The following GFPT1 variants were observed in gnomAD, a reference collection of about 807,000 sequenced individuals.
The protein encoded by GFPT1 is glutamine--fructose-6-phosphate transaminase 1.
Under a neutral mutation model 92.0 loss-of-function variants are expected in GFPT1, and 40 were observed. The observed-to-expected ratio is 0.43, with a 90% CI of 0.34 to 0.57. GFPT1 has a LOEUF of 0.57. GFPT1 is among the 20% of genes least tolerant of loss of function. The probability of loss-of-function intolerance (pLI) is 0.02; values close to 1 mark genes in which losing one functional copy is unlikely to be tolerated. For synonymous variants in GFPT1, 269 were observed against 280.6 expected (o/e 0.96, Z 0.41); for missense variants, 448 against 869.1 (o/e 0.52, Z 6.09).
At position 69,326,073 on chromosome 2, in the gene GFPT1, T is replaced by G. The variant is rs1670522410; in HGVS notation, c.*116A>C. 1 of 675,346 alleles carries G rather than the reference T, an allele frequency of 1.5e-6. No individual in the cohort carries two copies. The highest frequency in any genetic ancestry group is 2.6e-6 in the Non-Finnish European group (1 of 381,594). The allele number at this position is 675,346 out of a possible 1,614,324, so 41.8% of individuals were successfully genotyped here. ...GGAATAATTATAACTGATATATAAA[T>G]AAGGATTTACTAAAAAAAGGCTTCA... is the stretch of plus-strand genomic sequence containing the variant. On this transcript the variant is annotated 3_prime_UTR_variant, in exon 20 of 20. Transcript: ENST00000357308.
intron 1 of GFPT1, among the ~76,000 whole-genome samples, chr2:69,380,349 T>C (rs929591959): frequency 6.6e-6 from 1 of 151,876 alleles, no homozygotes; most frequent in Non-Finnish European, 1.5e-5. Context: ...CTCAAAAAAA[T>C]AAAAAATGTA....
intron 2 of GFPT1, among the ~76,000 whole-genome samples, chr2:69,372,262 G>A (rs1269120296): frequency 6.8e-6 from 1 of 146,126 alleles, no homozygotes; most frequent in African/African-American, 2.5e-5. Flanking sequence ...CACCAAATAA[G>A]AGAAGTGGAT....
At chr2:69,354,675 C>T (rs778113663) in intron 7 of GFPT1, 107 bp from the exon 8 acceptor site, 4 of 747,136 alleles carry the variant, frequency 5.4e-6, no homozygotes, top group East Asian at 2.6e-5. Context: ...TCATCCTCCC[C>T]AAGCTCAACT....
At chr2:69,349,638 A>C (rs2104638238) in intron 10 of GFPT1, among the ~76,000 whole-genome samples, 1 of 152,318 alleles carries the variant, frequency 6.6e-6, no homozygotes, top group South Asian at 2.1e-4. Flanking sequence ...ATCCCTTTAT[A>C]AAAATGATTA....
At chr2:69,359,647 GT>G (rs368546499) in intron 4 of GFPT1, among the ~76,000 whole-genome samples, 32 of 152,270 alleles carry the variant, frequency 2.1e-4, no homozygotes, top group Non-Finnish European at 2.6e-4. Flanking sequence ...AAAGGAGCAA[GT>G]TTATTGGGTC....
chr2:69,326,106 A>G lies in GFPT1; in HGVS notation c.*83T>C. 1 of 857,874 alleles carries G rather than the reference A, an allele frequency of 1.2e-6. No homozygotes were observed. The highest frequency in any genetic ancestry group is 1.5e-5 in the South Asian group (1 of 67,138). 53.1% of individuals were successfully genotyped at this position (857,874 alleles called of 1,614,324 possible). A position where few individuals can be genotyped will look rare whatever the true frequency, so the allele number is the denominator to read the frequency against. ...TACTAAAAAAAGGCTTCAAGGGGTG[A>G]TATTTTAAATCAAGGTTTTAAATAC... On this transcript the variant is annotated 3_prime_UTR_variant, in exon 20 of 20. Transcript: ENST00000357308.
chr2:69,354,982 T>A (rs558172387), intron 7 of GFPT1, among the ~76,000 whole-genome samples: 1 of 152,320 alleles, frequency 6.6e-6, no homozygotes, highest in African/African-American at 2.4e-5. Context: ...CCAGCCTGGA[T>A]GACAGAACAA....
In GFPT1 at chr2:69,323,307, A is replaced by C. The variant is rs534447999; in HGVS notation, c.*2882T>G. 5.3e-5 allele frequency: 8 copies of C among 152,298 alleles called. No individual in the cohort carries two copies. Among genetic ancestry groups the C allele is most frequent in the African/African-American group, 1.7e-4 (7 of 41,564 alleles). The allele number at this position is 152,298 out of a possible 1,614,324, so 9.4% of individuals were successfully genotyped here. On this transcript the variant is annotated 3_prime_UTR_variant, in exon 20 of 20. Coordinates refer to ENST00000357308, the MANE Select transcript of GFPT1 (RefSeq NM_001244710.2). ...GAACTTTTTATATGAAGGATTCTTT[A>C]TGTAGAGTATCTTTTTTGAAAAATC...
chr2:69,336,633 C>T (rs188539716), intron 15 of GFPT1, among the ~76,000 whole-genome samples: 1 of 124,724 alleles, frequency 8.0e-6, no homozygotes, highest in East Asian at 2.1e-4. Flanking sequence ...GAGACCCCAT[C>T]TTAAAAAAAA....
intron 3 of GFPT1, among the ~76,000 whole-genome samples, chr2:69,365,208 C>G (rs1419313191): frequency 3.3e-5 from 5 of 151,562 alleles, no homozygotes; most frequent in Non-Finnish European, 5.9e-5. Context: ...CCGAGCACCA[C>G]GGCTCATGCC....
chr2:69,320,225 T>C lies in GFPT1; in HGVS notation c.*5964A>G, dbSNP rs184837165. 2 of 152,346 alleles carry C rather than the reference T, an allele frequency of 1.3e-5. No homozygotes were observed. Among genetic ancestry groups the C allele is most frequent in the African/African-American group, 4.8e-5 (2 of 41,584 alleles). 9.4% of individuals were successfully genotyped at this position (152,346 alleles called of 1,614,324 possible). A position where few individuals can be genotyped will look rare whatever the true frequency, so the allele number is the denominator to read the frequency against. On this transcript the variant is annotated 3_prime_UTR_variant, in exon 20 of 20. Transcript: ENST00000357308. ...TAGAGTACTGTACAATCTTAAATTA[T>C]TGTTTATCAACCTTTGGGTCTCACA...
rs913620735 is a variant in GFPT1, at chr2:69,387,152, T to A, written c.-81A>T. On this transcript the variant is annotated 5_prime_UTR_variant, in exon 1 of 20. Coordinates refer to ENST00000357308, the MANE Select transcript of GFPT1 (RefSeq NM_001244710.2). ...TGCACACACGAGCTTCGGTGGGCAA[T>A]CTGCGGGCTCGGGGGCCGGGGTGGC... 7 of 1,455,956 alleles carry A rather than the reference T, an allele frequency of 4.8e-6. No homozygotes were observed. The highest frequency in any genetic ancestry group is 4.5e-6 in the Non-Finnish European group (5 of 1,101,452). The allele number at this position is 1,455,956 out of a possible 1,614,324, so 90.2% of individuals were successfully genotyped here.
intron 4 of GFPT1, among the ~76,000 whole-genome samples, chr2:69,360,336 A>G (rs1283391755): frequency 3.4e-5 from 4 of 116,948 alleles, no homozygotes; most frequent in Non-Finnish European, 8.2e-5. Flanking sequence ...CTCAAAAAAA[A>G]AAAAAAAAAA....
rs1164037856 is a variant in GFPT1 at position 69,323,662 on chromosome 2, C to A, written c.*2527G>T. The A allele has an allele frequency of 1.4e-5, 2 of 140,402 alleles. No individual in the cohort carries two copies. Among genetic ancestry groups the A allele is most frequent in the African/African-American group, 5.6e-5 (2 of 35,852 alleles). 8.7% of individuals were successfully genotyped at this position (140,402 alleles called of 1,614,324 possible). A position where few individuals can be genotyped will look rare whatever the true frequency, so the allele number is the denominator to read the frequency against. ...TACAGGCACAAGCCACCATGCCCAG[C>A]CCATTTAAAAAAAAAATTTTTTTTT... is the stretch of plus-strand genomic sequence containing the variant. On this transcript the variant is annotated 3_prime_UTR_variant, in exon 20 of 20. Coordinates refer to ENST00000357308, the MANE Select transcript of GFPT1 (RefSeq NM_001244710.2).
In GFPT1 at chr2:69,329,947, G is replaced by A. The variant is rs183803977; in HGVS notation, c.1483-149C>T. 7.5e-4 allele frequency: 520 copies of A among 689,172 alleles called. 5 individuals are homozygous for A. Among genetic ancestry groups the A allele is most frequent in the Admixed American group, 3.9e-4 (19 of 48,902 alleles). The allele number at this position is 689,172 out of a possible 1,614,324, so 42.7% of individuals were successfully genotyped here. A position where few individuals can be genotyped will look rare whatever the true frequency, so the allele number is the denominator to read the frequency against. On this transcript the variant is annotated intron_variant, in intron 15 of 19. Transcript: ENST00000357308. ...TAAAACTACGTTAGGGCCAAGCATG[G>A]TGGCTCATGCCTGTAATCTCAGCAC... is the stretch of plus-strand genomic sequence containing the variant.
Position 69,326,093 on chromosome 2 carries a change from G to T in GFPT1, c.*96C>A, listed in dbSNP as rs1029303387. 7 of 745,462 alleles carry T rather than the reference G, an allele frequency of 9.4e-6. No individual in the cohort carries two copies. Among genetic ancestry groups the T allele is most frequent in the Non-Finnish European group, 1.2e-5 (5 of 430,214 alleles). The allele number at this position is 745,462 out of a possible 1,614,324, so 46.2% of individuals were successfully genotyped here. A position where few individuals can be genotyped will look rare whatever the true frequency, so the allele number is the denominator to read the frequency against. On this transcript the variant is annotated 3_prime_UTR_variant, in exon 20 of 20. Coordinates refer to ENST00000357308, the MANE Select transcript of GFPT1 (RefSeq NM_001244710.2). ...ATAAATAAGGATTTACTAAAAAAAG[G>T]CTTCAAGGGGTGATATTTTAAATCA... is the stretch of plus-strand genomic sequence containing the variant.
At position 69,325,775 on chromosome 2, in the gene GFPT1, T is replaced by C. The variant is rs1670513001; in HGVS notation, c.*414A>G. On this transcript the variant is annotated 3_prime_UTR_variant, in exon 20 of 20. Coordinates refer to ENST00000357308, the MANE Select transcript of GFPT1 (RefSeq NM_001244710.2). ...TTCCCTAACTGTCCAAGTATGAGCA[T>C]ACACTGCCACTGGCTTTAGATACTC... The C allele has an allele frequency of 6.2e-6, 1 of 161,216 alleles. No homozygotes were observed. The highest frequency in any genetic ancestry group is 1.4e-5 in the Non-Finnish European group (1 of 73,768). 10.0% of individuals were successfully genotyped at this position (161,216 alleles called of 1,614,324 possible).
At chr2:69,387,003 C>G (rs1026829845) in intron 1 of GFPT1, 62 bp downstream of exon 1, 2 of 1,306,098 alleles carry the variant, frequency 1.5e-6, no homozygotes, top group Admixed American at 2.0e-5. Flanking sequence ...TGGGCCTTAG[C>G]GGCACCCGCA....
intron 1 of GFPT1, among the ~76,000 whole-genome samples, chr2:69,379,334 G>C (rs911769231): frequency 6.6e-6 from 1 of 151,942 alleles, no homozygotes; most frequent in African/African-American, 2.4e-5. Flanking sequence ...GATCAGCCTG[G>C]GCAATACAGG....
Sources: allele counts gnomAD v4.1 joint callset (sites outside exome capture counted in the v4.1 genomes callset), GRCh38; gene constraint gnomAD v4.1.1; transcripts MANE v1.5; gene names NCBI Gene and HGNC (gene_info 2026-07-23, HGNC 2026-07-21).